The following LPIN1 variants were observed in gnomAD, a reference collection of about 807,000 sequenced individuals.
LPIN1 encodes the protein lipin 1, also known as phosphatidate phosphatase LPIN1.
In LPIN1, 71 loss-of-function variants were observed where a neutral mutation model predicts 107.5. The ratio of observed to expected loss-of-function variants is 0.66; its 90% CI spans 0.55 to 0.80. LPIN1 has a LOEUF of 0.80. LPIN1 is among the 30% of genes least tolerant of loss of function. The pLI, the probability that LPIN1 is intolerant of heterozygous loss-of-function variation, is 0.00. For synonymous variants in LPIN1, 445 were observed against 452.6 expected (o/e 0.98, Z 0.21); for missense variants, 1,043 against 1,160.6 (o/e 0.90, Z 1.47).
chr2:11,764,973 G>C (rs904161128), intron 1 of LPIN1, among the ~76,000 whole-genome samples: 3 of 152,218 alleles, frequency 2.0e-5, no homozygotes, highest in Non-Finnish European at 2.9e-5. Flanking sequence ...GCTGGACTCT[G>C]GGAGAGTGGA....
At chr2:11,678,765 C>T (rs1302781029) in intron 1 of LPIN1, among the ~76,000 whole-genome samples, 1 of 152,192 alleles carries the variant, frequency 6.6e-6, no homozygotes. Context: ...CCTGCTCCCA[C>T]CTCTGCACTG....
At chr2:11,752,433 AT>A (rs34156190) in intron 1 of LPIN1, among the ~76,000 whole-genome samples, 5,667 of 103,836 alleles carry the variant, frequency 0.055, 199 homozygotes, top group Non-Finnish European at 0.061. Context: ...TTCCAAGGCC[AT>A]TTTTTTTTTT....
At chr2:11,746,724 G>C (rs1419911745) in intron 1 of LPIN1, 53 bp downstream of exon 1, 1 of 907,064 alleles carries the variant, frequency 1.1e-6, no homozygotes, top group Admixed American at 6.2e-5. Context: ...CCGCAGCCTC[G>C]GGTTAGGCGG....
intron 1 of LPIN1, among the ~76,000 whole-genome samples, chr2:11,762,661 A>G (rs1670037517): frequency 6.6e-6 from 1 of 152,220 alleles, no homozygotes; most frequent in African/African-American, 2.4e-5. Context: ...TATCATAACA[A>G]AAGACATTCC....
At position 11,811,502 on chromosome 2, in the gene LPIN1, C is replaced by T. The variant is rs74631815; in HGVS notation, c.2250-3586C>T. 3.2e-3 allele frequency among the ~76,000 whole-genome samples: 486 copies of T among 152,316 alleles called. 2 individuals carry two copies. Among genetic ancestry groups the T allele is most frequent in the African/African-American group, 0.011 (470 of 41,558 alleles). On this transcript the variant is annotated intron_variant, in intron 17 of 20. Coordinates refer to ENST00000674199, the MANE Select transcript of LPIN1 (RefSeq NM_001349206.2). ...TTAGTCAGGCAAGAAGGCTGGCATGCTGACAGTAACTCAGTGGCATGGCCC... is the reference window on the plus strand; with the variant it reads ...TTAGTCAGGCAAGAAGGCTGGCATGTTGACAGTAACTCAGTGGCATGGCCC...
chr2:11,739,579 A>G (rs1484406455), intron 1 of LPIN1, among the ~76,000 whole-genome samples: 3 of 152,218 alleles, frequency 2.0e-5, no homozygotes, highest in African/African-American at 7.2e-5. Flanking sequence ...TGCCGTAACA[A>G]TGTTGAACAT....
At chr2:11,752,945 C>T (rs572348707) in intron 1 of LPIN1, among the ~76,000 whole-genome samples, 1 of 152,296 alleles carries the variant, frequency 6.6e-6, no homozygotes, top group East Asian at 1.9e-4. Context: ...AACCATGTGA[C>T]CTCTGTCACC....
rs117630690 is a variant in LPIN1, at chr2:11,687,098, A to T, written c.81+9370A>T. Among the ~76,000 whole-genome samples, 433 of 148,224 alleles carry T rather than the reference A, an allele frequency of 2.9e-3. 9 individuals are homozygous for T. In the East Asian group the frequency reaches 0.047, roughly 16 times the overall value. ...CTGCAGCCTCGAATTCCTGGGCTCA[A>T]GTGGTCCTCCCACCTCAGCCTCTTA... On this transcript the variant is annotated intron_variant, in intron 1 of 21. Coordinates refer to the LPIN1 transcript ENST00000449576.
intron 20 of LPIN1, among the ~76,000 whole-genome samples, chr2:11,821,738 A>G (rs997385001): frequency 1.3e-5 from 2 of 152,170 alleles, no homozygotes; most frequent in African/African-American, 4.8e-5. Flanking sequence ...CTGAGTGTCA[A>G]TAGGGCAGTT....
chr2:11,756,060 AAGTG>A (rs1408806098), intron 1 of LPIN1, among the ~76,000 whole-genome samples: 5 of 152,210 alleles, frequency 3.3e-5, no homozygotes, highest in African/African-American at 1.2e-4. Context: ...AGAAAAGTAC[AAGTG>A]AGAAAGATGA....
intron 13 of LPIN1, among the ~76,000 whole-genome samples, chr2:11,793,005 G>A (rs1676053408): frequency 6.6e-6 from 1 of 152,070 alleles, no homozygotes; most frequent in African/African-American, 2.4e-5. Context: ...CTGCCCATGC[G>A]ATGACTCCAT....
chr2:11,753,901 G>T (rs763349262), intron 1 of LPIN1, among the ~76,000 whole-genome samples: 1 of 152,190 alleles, frequency 6.6e-6, no homozygotes, highest in Non-Finnish European at 1.5e-5. Flanking sequence ...AAACCTCCAA[G>T]GTGGATGTGA....
chr2:11,770,009 G>T (rs912542719), intron 3 of LPIN1, among the ~76,000 whole-genome samples: 4 of 152,206 alleles, frequency 2.6e-5, no homozygotes, highest in Admixed American at 6.5e-5. Context: ...GAGCAACCCT[G>T]TTGATACTGG....
intron 1 of LPIN1, among the ~76,000 whole-genome samples, chr2:11,756,541 A>T (rs1668720564): frequency 6.6e-6 from 1 of 152,044 alleles, no homozygotes; most frequent in Non-Finnish European, 1.5e-5. Context: ...GGCACTCACC[A>T]TCATGCTAAT....
intron 1 of LPIN1, among the ~76,000 whole-genome samples, chr2:11,696,159 C>A (rs946460641): frequency 6.6e-6 from 1 of 151,092 alleles, no homozygotes; most frequent in African/African-American, 2.4e-5. Flanking sequence ...CACCTAATGA[C>A]CCGTCCTCCA....
At chr2:11,751,098 C>T (rs757573525) in intron 1 of LPIN1, among the ~76,000 whole-genome samples, 30 of 152,226 alleles carry the variant, frequency 2.0e-4, no homozygotes, top group Non-Finnish European at 4.1e-4. Context: ...ATTTAGATGT[C>T]TACACCCACC....
Position 11,697,088 on chromosome 2 carries a change from C to G in LPIN1, c.82-16668C>G, listed in dbSNP as rs1328843638. On this transcript the variant is annotated intron_variant, in intron 1 of 21. Coordinates refer to the LPIN1 transcript ENST00000449576. This position sits in a 1 kb window ranked among gnomAD's most constrained non-coding sequence, Gnocchi z 4.6. ...TTTGTTCCTCAGCCCCAAGCTGTATCTGGTGAGAACAGATGCGTAGTCCCG... is the reference window on the plus strand; with the variant it reads ...TTTGTTCCTCAGCCCCAAGCTGTATGTGGTGAGAACAGATGCGTAGTCCCG... 6.6e-6 allele frequency among the ~76,000 whole-genome samples: 1 copy of G among 152,254 alleles called. No homozygotes were observed. Among genetic ancestry groups the G allele is most frequent in the South Asian group, 2.1e-4 (1 of 4,834 alleles).
At chr2:11,818,132 C>T (rs1680910281) in intron 18 of LPIN1, 1 of 152,200 alleles carries the variant, frequency 6.6e-6, no homozygotes, top group South Asian at 2.1e-4. Flanking sequence ...CCTCACCTTC[C>T]CAGCATCGGA....
rs1411579518 is a variant in LPIN1 at position 11,771,393 on chromosome 2, G to A, written c.310G>A (p.Ala104Thr). Residue 104 changes from alanine (A) to threonine (T), a missense_variant, in exon 4 of 21, where the codon GCC (alanine) becomes ACC (threonine). By Grantham distance (58) the Ala-to-Thr change is moderately conservative. Transcript: ENST00000674199. The surrounding 1 kb of genome is among the most constrained non-coding windows in gnomAD (Gnocchi z 4.8). Reference protein sequence around the residue: ...NDQEVIPMHLATSPILSEGAS... With the variant: ...NDQEVIPMHLTTSPILSEGAS... ...TTAGGAAGTTATCCCTATGCACCTG[G>A]CCACCTCCCCCATCCTGTCAGAAGG... 4 of 1,614,066 alleles carry A rather than the reference G, an allele frequency of 2.5e-6. No homozygotes were observed. The highest frequency in any genetic ancestry group is 3.4e-6 in the Non-Finnish European group (4 of 1,180,028).
Sources: gnomAD v4.1 joint callset for allele counts (sites outside exome capture counted in the v4.1 genomes callset) on GRCh38, gnomAD v4.1.1 for gene constraint, Gnocchi (gnomAD v3.1) non-coding constraint, MANE v1.5 for transcripts, NCBI Gene and HGNC (gene_info 2026-07-23, HGNC 2026-07-21) for gene names.